Variants in ZBTB20 observed in about 807,000 individuals in gnomAD.
The protein encoded by ZBTB20 is zinc finger and BTB domain containing 20.
A neutral mutation model predicts 56.9 loss-of-function variants in ZBTB20; 9 were observed. That is an observed-to-expected ratio of 0.16 (90% CI 0.10 to 0.28). The LOEUF is 0.28. ZBTB20 is among the 10% of genes least tolerant of loss of function. ZBTB20 has a pLI of 1.00. For synonymous variants in ZBTB20, 417 were observed against 420.7 expected, an observed-to-expected ratio of 0.99 and a Z score of 0.11; for missense variants, 655 against 1,003.0, an observed-to-expected ratio of 0.65 and a Z score of 4.69.
intron 4 of ZBTB20, among the ~76,000 whole-genome samples, chr3:114,847,430 C>A (rs1363107726): frequency 6.6e-6 from 1 of 152,080 alleles, no homozygotes; most frequent in Non-Finnish European, 1.5e-5. Flanking sequence ...GCCTATTTAT[C>A]CTGGGCTTTA....
At chr3:114,956,263 C>A (rs1423437437) in intron 3 of ZBTB20, among the ~76,000 whole-genome samples, 1 of 152,160 alleles carries the variant, frequency 6.6e-6, no homozygotes, top group Non-Finnish European at 1.5e-5. Flanking sequence ...AAAGTTAAAA[C>A]CTGGCCTTTT....
chr3:114,792,423 A>C (rs1374686073), intron 5 of ZBTB20, among the ~76,000 whole-genome samples: 1 of 152,170 alleles, frequency 6.6e-6, no homozygotes, highest in Non-Finnish European at 1.5e-5. Flanking sequence ...TGGACTGCTA[A>C]GGGCTTTCAC....
At chr3:114,698,285 TGA>T (rs1443709790) in intron 5 of ZBTB20, among the ~76,000 whole-genome samples, 17 of 152,102 alleles carry the variant, frequency 1.1e-4, no homozygotes, top group African/African-American at 3.1e-4. Flanking sequence ...ATTGTTTGGC[TGA>T]ACAAAACAGC....
chr3:114,679,406 A>G (rs1219784039), intron 6 of ZBTB20, among the ~76,000 whole-genome samples: 2 of 152,238 alleles, frequency 1.3e-5, no homozygotes, highest in African/African-American at 4.8e-5. Context: ...GCTAATATCT[A>G]GAATCTACAA....
intron 1 of ZBTB20, among the ~76,000 whole-genome samples, chr3:115,120,052 G>C (rs1333536694): frequency 6.6e-6 from 1 of 152,046 alleles, no homozygotes; most frequent in Non-Finnish European, 1.5e-5. Flanking sequence ...GTGGTGGACA[G>C]ATAATTTTTA....
At chr3:114,860,013 A>C (rs1325199383) in intron 4 of ZBTB20, among the ~76,000 whole-genome samples, 1 of 152,186 alleles carries the variant, frequency 6.6e-6, no homozygotes, top group African/African-American at 2.4e-5. Context: ...CAATATCTAT[A>C]ATTCTGAAAT....
intron 6 of ZBTB20, among the ~76,000 whole-genome samples, chr3:114,553,762 T>C (rs570749187): frequency 1.3e-5 from 2 of 152,288 alleles, no homozygotes; most frequent in African/African-American, 2.4e-5. Flanking sequence ...AGAATTAATA[T>C]AGTGTTCAAG....
chr3:114,735,672 T>C (rs1008800650), intron 5 of ZBTB20, among the ~76,000 whole-genome samples: 1 of 152,156 alleles, frequency 6.6e-6, no homozygotes, highest in Non-Finnish European at 1.5e-5. Flanking sequence ...AACCAAGAAA[T>C]AAGTCAATGG....
intron 2 of ZBTB20, among the ~76,000 whole-genome samples, chr3:115,041,500 T>C (rs2081140588): frequency 6.6e-6 from 1 of 152,178 alleles, no homozygotes; most frequent in Admixed American, 6.5e-5. Context: ...ACCAAATGAT[T>C]CTAATGCCAT....
At chr3:114,752,919 G>A (rs973380117) in intron 5 of ZBTB20, among the ~76,000 whole-genome samples, 1 of 151,996 alleles carries the variant, frequency 6.6e-6, no homozygotes, top group African/African-American at 2.4e-5. Context: ...AAAAAACCCA[G>A]AACACACATA....
chr3:114,748,968 AC>A (rs2067335905), intron 5 of ZBTB20, among the ~76,000 whole-genome samples: 1 of 152,234 alleles, frequency 6.6e-6, no homozygotes, highest in African/African-American at 2.4e-5. Flanking sequence ...AAAAAGGCCT[AC>A]AGGATATGTT....
chr3:114,698,686 T>G (rs1415853779), intron 5 of ZBTB20, among the ~76,000 whole-genome samples: 2 of 152,160 alleles, frequency 1.3e-5, no homozygotes, highest in African/African-American at 4.8e-5. Flanking sequence ...AAATGATGAC[T>G]GGGAAAAATC....
chr3:114,707,299 C>T (rs1212871405), intron 5 of ZBTB20, among the ~76,000 whole-genome samples: 1 of 152,110 alleles, frequency 6.6e-6, no homozygotes, highest in Non-Finnish European at 1.5e-5. Context: ...GTCATTTTTG[C>T]TAACCAAATA....
intron 5 of ZBTB20, among the ~76,000 whole-genome samples, chr3:114,779,615 C>T (rs2069903883): frequency 6.6e-6 from 1 of 152,046 alleles, no homozygotes; most frequent in African/African-American, 2.4e-5. Context: ...ACCCTTTTAG[C>T]ACAGATTATG....
At chr3:114,444,016 T>C (rs2091101302) in intron 7 of ZBTB20, among the ~76,000 whole-genome samples, 1 of 152,178 alleles carries the variant, frequency 6.6e-6, no homozygotes, top group South Asian at 2.1e-4. Flanking sequence ...AGGCAGAATG[T>C]GTTTCTATTT....
intron 3 of ZBTB20, among the ~76,000 whole-genome samples, chr3:114,911,718 G>C (rs1212122032): frequency 2.0e-5 from 3 of 151,752 alleles, no homozygotes; most frequent in Non-Finnish European, 4.4e-5. Flanking sequence ...TACCCACCTA[G>C]AGGAACAACA....
At chr3:114,856,208 T>G (rs1457577619) in intron 4 of ZBTB20, among the ~76,000 whole-genome samples, 1 of 152,202 alleles carries the variant, frequency 6.6e-6, no homozygotes, top group Non-Finnish European at 1.5e-5. Context: ...TAATTAACAT[T>G]TGATGGTCCT....
chr3:114,599,196 A>G (rs2056572537), intron 6 of ZBTB20: 1 of 152,096 alleles, frequency 6.6e-6, no homozygotes, highest in Non-Finnish European at 1.5e-5. Context: ...GATGGAAGCC[A>G]TGGAGTTGAA....
intron 10 of ZBTB20, among the ~76,000 whole-genome samples, chr3:114,356,369 A>G (rs1053276784): frequency 1.3e-5 from 2 of 152,168 alleles, no homozygotes; most frequent in Admixed American, 6.5e-5. Context: ...CAGGCAATAC[A>G]ATCTCTTTTA....
Sources: allele counts gnomAD v4.1 joint callset (sites outside exome capture counted in the v4.1 genomes callset), GRCh38; gene constraint gnomAD v4.1.1; transcripts MANE v1.5; gene names NCBI Gene and HGNC (gene_info 2026-07-23, HGNC 2026-07-21).